The following MTMR7 variants were observed in gnomAD, a reference collection of about 807,000 sequenced individuals.
MTMR7 encodes the protein phosphatidylinositol-3-phosphate phosphatase MTMR7.
A neutral mutation model predicts 81.2 loss-of-function variants in MTMR7; 76 were observed. That is an observed-to-expected ratio of 0.94 (90% CI 0.78 to 1.13). MTMR7 has a LOEUF of 1.13. Among genes scored for constraint, MTMR7 ranks in the 50% most tolerant of loss-of-function variants. The pLI is 0.00. For synonymous variants in MTMR7, 372 were observed against 289.8 expected (o/e 1.28, Z -2.88); for missense variants, 1,044 against 820.0 (o/e 1.27, Z -3.34).
chr8:17,413,350 C>T lies in MTMR7; in HGVS notation c.-58G>A, dbSNP rs538553312. The T allele has an allele frequency of 2.0e-6, 3 of 1,478,114 alleles. No homozygotes were observed. Among genetic ancestry groups the T allele is most frequent in the Non-Finnish European group, 1.8e-6 (2 of 1,115,618 alleles). The allele number at this position is 1,478,114 out of a possible 1,614,324, so 91.6% of individuals were successfully genotyped here. On this transcript the variant is annotated 5_prime_UTR_variant, in exon 1 of 14. Transcript: ENST00000180173. Reference sequence around the variant, plus strand: ...CGCGGCCTCACGCACCTGCGCGCCTCTGCGGCGCGATGGGAGGGGCGCGGG... The same window carrying T: ...CGCGGCCTCACGCACCTGCGCGCCTTTGCGGCGCGATGGGAGGGGCGCGGG...
rs199636022 is a variant in MTMR7, at chr8:17,346,885, A to T, written c.597+2068T>A. Among the ~76,000 whole-genome samples, 215 of 50,662 alleles carry T rather than the reference A, an allele frequency of 4.2e-3. 7 individuals are homozygous for T. The East Asian group carries it at 0.057, about 13-fold the overall frequency. 33.2% of individuals were successfully genotyped at this position (50,662 alleles called of 152,430 possible). On this transcript the variant is annotated intron_variant, in intron 5 of 13. Transcript: ENST00000180173. The stretch of plus-strand genomic sequence containing the variant: ...CTATCTCTATTTATCCTATCTTAAT[A>T]AAAAAAAAAAAAAAAAAAAAAAAAA...
At chr8:17,314,550 A>G (rs1359098085) in intron 7 of MTMR7, among the ~76,000 whole-genome samples, 2 of 152,204 alleles carry the variant, frequency 1.3e-5, no homozygotes, top group African/African-American at 4.8e-5. Flanking sequence ...TTAATTTATC[A>G]GATGCCCTGC....
intron 1 of MTMR7, among the ~76,000 whole-genome samples, chr8:17,405,832 CTATACACACA>C (rs1341893063): frequency 1.1e-5 from 1 of 92,666 alleles, no homozygotes; most frequent in Non-Finnish European, 2.4e-5. Flanking sequence ...TTCCCCAAAA[CTATACACACA>C]CACACACACA....
chr8:17,350,143 C>T (rs188595369), intron 4 of MTMR7, among the ~76,000 whole-genome samples: 1 of 152,276 alleles, frequency 6.6e-6, no homozygotes, highest in Non-Finnish European at 1.5e-5. Context: ...TGAAGATCAC[C>T]CACATGGAAG....
intron 6 of MTMR7, among the ~76,000 whole-genome samples, chr8:17,336,631 G>C (rs1317391249): frequency 3.3e-5 from 5 of 152,190 alleles, no homozygotes; most frequent in African/African-American, 9.7e-5. Context: ...CGCTGACCTG[G>C]TGAAATCACG....
chr8:17,310,522 T>C (rs1245551761), intron 9 of MTMR7, among the ~76,000 whole-genome samples: 1 of 152,112 alleles, frequency 6.6e-6, no homozygotes, highest in East Asian at 1.9e-4. Context: ...CTAAGGGCAG[T>C]GTGTGACTGG....
chr8:17,331,184 A>G lies in MTMR7; in HGVS notation c.831T>C (p.His277=). 1 of 1,612,874 alleles carries G rather than the reference A, an allele frequency of 6.2e-7. No individual in the cohort carries two copies. Among genetic ancestry groups the G allele is most frequent in the South Asian group, 1.1e-5 (1 of 90,792 alleles). Residue 277 remains histidine, a synonymous_variant, in exon 7 of 14, where the codon CAT becomes CAC. Coordinates refer to ENST00000180173, the MANE Select transcript of MTMR7 (RefSeq NM_004686.5). ...TTTTCTGCAGACTGTTCCTCATGACATGGATGTTCTCTATCCCGATAAACT... is the reference window on the plus strand; with the variant it reads ...TTTTCTGCAGACTGTTCCTCATGACGTGGATGTTCTCTATCCCGATAAACT... The part of the protein sequence containing the change: ...KFQFIGIENI[H]VMRNSLQKML...
At chr8:17,396,719 G>C (rs1821263842) in intron 1 of MTMR7, among the ~76,000 whole-genome samples, 1 of 152,032 alleles carries the variant, frequency 6.6e-6, no homozygotes, top group African/African-American at 2.4e-5. Flanking sequence ...GACTGGGGTA[G>C]CGTGTGGCCT....
At position 17,305,872 on chromosome 8, in the gene MTMR7, A is replaced by G. The variant is rs139291603; in HGVS notation, c.1237T>C (p.Phe413Leu). ...IECVWQLMEQ[F>L]PCAFEFNERF... ...TCATTGAACTCAAAGGCACAGGGAA[A>G]TTGTTCCATTAACTGCCAAACACAC... The change falls in exon 11 of 14, where the codon TTT (phenylalanine) becomes CTT (leucine). Residue 413 changes from phenylalanine to leucine, a missense_variant. By Grantham distance (22) the Phe-to-Leu change is conservative (BLOSUM62 0). Coordinates refer to ENST00000180173, the MANE Select transcript of MTMR7 (RefSeq NM_004686.5). 2.0e-5 allele frequency: 33 copies of G among 1,613,666 alleles called. No individual in the cohort carries two copies. The highest frequency in any genetic ancestry group is 2.0e-4 in the African/African-American group (15 of 74,922).
intron 1 of MTMR7, among the ~76,000 whole-genome samples, chr8:17,384,604 C>T (rs1274438332): frequency 1.3e-5 from 2 of 152,124 alleles, no homozygotes; most frequent in Non-Finnish European, 2.9e-5. Flanking sequence ...AGAAGAAAAA[C>T]TGAAGCTATA....
At chr8:17,316,958 C>T (rs945980802) in intron 7 of MTMR7, among the ~76,000 whole-genome samples, 4 of 152,168 alleles carry the variant, frequency 2.6e-5, no homozygotes, top group Non-Finnish European at 4.4e-5. Context: ...GGTTTATGCT[C>T]TCACCAGTAG....
chr8:17,337,305 C>A (rs987354570), intron 6 of MTMR7, among the ~76,000 whole-genome samples: 5 of 146,064 alleles, frequency 3.4e-5, no homozygotes, highest in Non-Finnish European at 5.9e-5. Context: ...ATGGAGGTTG[C>A]AGTGATCCGA....
chr8:17,403,586 A>T (rs1039957161), intron 1 of MTMR7, among the ~76,000 whole-genome samples: 1 of 152,142 alleles, frequency 6.6e-6, no homozygotes, highest in Non-Finnish European at 1.5e-5. Context: ...TGTAACTTTT[A>T]TGATTTTTTC....
intron 4 of MTMR7, 180 bp from the exon 5 acceptor site, chr8:17,349,261 C>A (rs575299924): frequency 6.5e-6 from 4 of 611,674 alleles, no homozygotes; most frequent in Non-Finnish European, 1.1e-5. Flanking sequence ...GCCGCTGATT[C>A]TATGTAATCA....
rs530240881 is a variant in MTMR7, at chr8:17,408,395, C to CAAAAAAAAAAA, written c.24+4863_24+4873dup. 5.8e-3 allele frequency among the ~76,000 whole-genome samples: 137 copies of CAAAAAAAAAAA among 23,498 alleles called. 27 individuals carry two copies. The East Asian group carries it at 0.093, about 16-fold the overall frequency. The allele number at this position is 23,498 out of a possible 152,430, so 15.4% of individuals were successfully genotyped here. On this transcript the variant is annotated intron_variant, in intron 1 of 13. Transcript: ENST00000180173. ...TGGGCGACAGAGCGAGACTCCGTCTCAAAAAAAAAAAAAAAAAAAAAAAGA... is the reference window on the plus strand; with the variant it reads ...TGGGCGACAGAGCGAGACTCCGTCTCAAAAAAAAAAAAAAAAAAAAAAAAAAAAAAAAAAGA...
chr8:17,331,295 G>C lies in MTMR7; in HGVS notation c.733-13C>G. 6.3e-7 allele frequency: 1 copy of C among 1,576,816 alleles called. No homozygotes were observed. Among genetic ancestry groups the C allele is most frequent in the Non-Finnish European group, 8.6e-7 (1 of 1,165,374 alleles). ...CCATTGCATTAAGCTGCAGTGGTCA[G>C]CAAAACAGAACAGTCATCAATTACA... On this transcript the variant is annotated splice_polypyrimidine_tract_variant and intron_variant, in intron 6 of 13. Coordinates refer to ENST00000180173, the MANE Select transcript of MTMR7 (RefSeq NM_004686.5).
At chr8:17,315,586 C>T (rs138053669) in intron 7 of MTMR7, among the ~76,000 whole-genome samples, 52 of 152,224 alleles carry the variant, frequency 3.4e-4, no homozygotes, top group Non-Finnish European at 5.6e-4. Context: ...TGGGACTCTC[C>T]GTACCTTCTG....
chr8:17,361,273 C>T lies in MTMR7; in HGVS notation c.312G>A (p.Val104=), dbSNP rs1820051220. 2 of 1,614,112 alleles carry T rather than the reference C, an allele frequency of 1.2e-6. No homozygotes were observed. Among genetic ancestry groups the T allele is most frequent in the Non-Finnish European group, 8.5e-7 (1 of 1,179,968 alleles). The change falls in exon 4 of 14, where the codon GTG becomes GTA. Residue 104 remains valine, a splice_region_variant and synonymous_variant. Coordinates refer to ENST00000180173, the MANE Select transcript of MTMR7 (RefSeq NM_004686.5). ...AAAAGCAGTATAACTCCTCATATTT[C>T]ACTGCAAGAAAAGGTAGGATAAAGT... ...YISLIRLARP[V]KYEELYCFSF...
At chr8:17,310,080 A>C (rs1009046255) in intron 9 of MTMR7, among the ~76,000 whole-genome samples, 1 of 151,932 alleles carries the variant, frequency 6.6e-6, no homozygotes, top group Non-Finnish European at 1.5e-5. Flanking sequence ...GGCTCACTAC[A>C]CCCTTGACCT....
Sources: gnomAD v4.1 joint callset for allele counts (sites outside exome capture counted in the v4.1 genomes callset) on GRCh38, gnomAD v4.1.1 for gene constraint, MANE v1.5 for transcripts, NCBI Gene and HGNC (gene_info 2026-07-23, HGNC 2026-07-21) for gene names.